Variants in RGSL1 observed in about 807,000 individuals in gnomAD.
RGSL1 encodes regulator of G protein signaling protein-like.
RGSL1 carries 97 observed loss-of-function variants against 124.7 expected under a neutral mutation model. The observed-to-expected ratio is 0.78, with a 90% CI of 0.66 to 0.92. RGSL1 has a LOEUF of 0.92. RGSL1 is among the 40% of genes least tolerant of loss of function. The pLI is 0.00. For synonymous variants in RGSL1, 424 were observed against 438.1 expected (o/e 0.97, Z 0.40); for missense variants, 1,233 against 1,288.4 (o/e 0.96, Z 0.66).
At chr1:182,498,847 C>T (rs555509873) in intron 9 of RGSL1, among the ~76,000 whole-genome samples, 1 of 149,758 alleles carries the variant, frequency 6.7e-6, no homozygotes, top group East Asian at 2.0e-4. Flanking sequence ...GCCCGGAGTG[C>T]AATGGCACGA....
chr1:182,522,216 C>A, intron 10 of RGSL1, 107 bp downstream of exon 10: 1 of 750,090 alleles, frequency 1.3e-6, no homozygotes, highest in Non-Finnish European at 2.3e-6. Flanking sequence ...TTTTCAGACC[C>A]TTTTCCATAT....
intron 9 of RGSL1, among the ~76,000 whole-genome samples, chr1:182,502,592 A>T (rs1656479486): frequency 6.6e-6 from 1 of 152,052 alleles, no homozygotes; most frequent in Non-Finnish European, 1.5e-5. Context: ...ACAACAACAA[A>T]AACAGATTTA....
At position 182,497,783 on chromosome 1, in the gene RGSL1, C is replaced by T. The variant is rs185362496; in HGVS notation, c.1825+4654C>T. Among the ~76,000 whole-genome samples, 20 of 152,264 alleles carry T rather than the reference C, an allele frequency of 1.3e-4. No homozygotes were observed. The East Asian group carries it at 3.7e-3, about 28-fold the overall frequency. ...CCTTCATTTTTGTTTGATGTTTTCT[C>T]ATGATTAGGTTCAGGTTATGCATTC... On this transcript the variant is annotated intron_variant, in intron 9 of 21. Coordinates refer to ENST00000294854, the MANE Select transcript of RGSL1 (RefSeq NM_001137669.2).
chr1:182,505,182 A>T (rs1656721173), intron 9 of RGSL1, among the ~76,000 whole-genome samples: 1 of 152,052 alleles, frequency 6.6e-6, no homozygotes, highest in South Asian at 2.1e-4. Context: ...AAGCCTCCCC[A>T]TCCTTGGAAA....
intron 6 of RGSL1, among the ~76,000 whole-genome samples, chr1:182,482,418 A>AG (rs1654778357): frequency 6.6e-6 from 1 of 152,134 alleles, no homozygotes; most frequent in Admixed American, 6.6e-5. Context: ...AATAAAAAAA[A>AG]GCATCCAAAT....
intron 15 of RGSL1, among the ~76,000 whole-genome samples, chr1:182,545,912 T>A (rs961549045): frequency 2.0e-5 from 3 of 152,202 alleles, no homozygotes; most frequent in African/African-American, 7.2e-5. Flanking sequence ...TGGGTCAAAT[T>A]TATTTAATGT....
At chr1:182,521,761 G>T (rs1052136589) in intron 9 of RGSL1, among the ~76,000 whole-genome samples, 1 of 152,172 alleles carries the variant, frequency 6.6e-6, no homozygotes, top group Admixed American at 6.5e-5. Context: ...TCTGAGGAAG[G>T]TGGGCGCTAG....
intron 9 of RGSL1, among the ~76,000 whole-genome samples, chr1:182,512,420 C>G (rs571831641): frequency 6.6e-6 from 1 of 152,176 alleles, no homozygotes; most frequent in South Asian, 2.1e-4. Flanking sequence ...CCCTGACCCC[C>G]CCTCTGCAGA....
At chr1:182,553,424 GT>G in intron 18 of RGSL1, 30 bp from the exon 19 acceptor site, 1 of 1,533,854 alleles carries the variant, frequency 6.5e-7, no homozygotes, top group Admixed American at 2.0e-5. Flanking sequence ...TGTCGCAGGT[GT>G]TTTTAATGCT....
chr1:182,455,319 T>C (rs1444738891), intron 2 of RGSL1, among the ~76,000 whole-genome samples: 1 of 152,144 alleles, frequency 6.6e-6, no homozygotes, highest in African/African-American at 2.4e-5. Flanking sequence ...CGGTGGCTCA[T>C]GCCTGTAACC....
At chr1:182,552,740 T>G (rs650794) in intron 18 of RGSL1, among the ~76,000 whole-genome samples, 16,212 of 152,188 alleles carry the variant, frequency 0.11, 924 homozygotes, top group Non-Finnish European at 0.13. Context: ...CACTAACATC[T>G]GGCAAAGGGC....
At chr1:182,547,283 G>T (rs988099503) in intron 15 of RGSL1, among the ~76,000 whole-genome samples, 1 of 152,204 alleles carries the variant, frequency 6.6e-6, no homozygotes, top group Non-Finnish European at 1.5e-5. Context: ...TTAGACAACA[G>T]TAAGTCCTCA....
At chr1:182,509,698 C>A (rs367611377) in intron 9 of RGSL1, among the ~76,000 whole-genome samples, 4 of 130,456 alleles carry the variant, frequency 3.1e-5, no homozygotes, top group African/African-American at 1.2e-4. Context: ...CCGGACGGCA[C>A]GGCTGGCCGG....
At chr1:182,487,717 C>A (rs77749331) in intron 6 of RGSL1, among the ~76,000 whole-genome samples, 1 of 152,166 alleles carries the variant, frequency 6.6e-6, no homozygotes, top group Non-Finnish European at 1.5e-5. Flanking sequence ...TCTATATTCC[C>A]AGCACTTTGT....
upstream of RGSL1, among the ~76,000 whole-genome samples, chr1:182,449,748 G>A (rs886969999): frequency 2.0e-5 from 3 of 152,196 alleles, no homozygotes; most frequent in African/African-American, 4.8e-5. Context: ...GGAGGTTGAT[G>A]TTTTAAATGG....
Position 182,554,242 on chromosome 1 carries a change from G to A in RGSL1, c.3131-385G>A, listed in dbSNP as rs115246034. 4.1e-3 allele frequency among the ~76,000 whole-genome samples: 628 copies of A among 152,276 alleles called. 6 individuals are homozygous for A. The highest frequency in any genetic ancestry group is 0.014 in the African/African-American group (589 of 41,556). ...GCATACCTGACCTGCCCATTTGTAC[G>A]TGTTTCCTCATTGCTTCATGGGGGA... On this transcript the variant is annotated intron_variant, in intron 19 of 21. Transcript: ENST00000294854.
chr1:182,488,757 T>C (rs1655301688), intron 7 of RGSL1: 8 of 445,972 alleles, frequency 1.8e-5, no homozygotes, highest in Non-Finnish European at 3.1e-5. Context: ...AAGATGACTT[T>C]GAAAAAGTCA....
intron 4 of RGSL1, among the ~76,000 whole-genome samples, chr1:182,461,425 A>G (rs1043939134): frequency 4.9e-4 from 75 of 152,094 alleles, no homozygotes; most frequent in African/African-American, 1.7e-3. Flanking sequence ...CATTAGGTTC[A>G]AATATTCAGT....
At chr1:182,489,288 C>T in intron 8 of RGSL1, 86 bp downstream of exon 8, 10 of 1,209,732 alleles carry the variant, frequency 8.3e-6, no homozygotes, top group South Asian at 2.9e-5. Flanking sequence ...ATTTACTAAG[C>T]GTCAGCACTA....
Sources: gnomAD v4.1 joint callset for allele counts (sites outside exome capture counted in the v4.1 genomes callset) on GRCh38, gnomAD v4.1.1 for gene constraint, MANE v1.5 for transcripts, NCBI Gene and HGNC (gene_info 2026-07-23, HGNC 2026-07-21) for gene names.